Variants in COQ7 observed in about 807,000 individuals in gnomAD.
COQ7 encodes the protein coenzyme Q7, hydroxylase.
Under a neutral mutation model 25.0 loss-of-function variants are expected in COQ7, and 21 were observed. The ratio of observed to expected loss-of-function variants is 0.84; its 90% CI spans 0.60 to 1.21. The LOEUF is 1.21. Among genes scored for constraint, COQ7 ranks in the 50% most tolerant of loss-of-function variants. COQ7 has a pLI of 0.00. For synonymous variants in COQ7, 125 were observed against 112.4 expected (o/e 1.11, Z -0.71); for missense variants, 311 against 296.2 (o/e 1.05, Z -0.37).
rs1041465980 is a variant in COQ7 at position 19,079,095 on chromosome 16, AG to A, written c.*939del. On this transcript the variant is annotated 3_prime_UTR_variant, in exon 6 of 6. Transcript: ENST00000321998. ...ATGAATGGGATCAGTGCCTTATGAA[AG>A]GCCCTAGAGAGATACCTCATCCTCT... 6.6e-6 allele frequency: 1 copy of A among 152,138 alleles called. No homozygotes were observed. Among genetic ancestry groups the A allele is most frequent in the Non-Finnish European group, 1.5e-5 (1 of 68,024 alleles). 9.4% of individuals were successfully genotyped at this position (152,138 alleles called of 1,614,324 possible).
intron 3 of COQ7, among the ~76,000 whole-genome samples, chr16:19,075,383 G>C (rs907910803): frequency 6.6e-6 from 1 of 151,968 alleles, no homozygotes; most frequent in African/African-American, 2.4e-5. Context: ...TGTATTTTTA[G>C]TAGAGACGGT....
At chr16:19,072,584 G>A (rs776307324) in intron 2 of COQ7, among the ~76,000 whole-genome samples, 11 of 151,820 alleles carry the variant, frequency 7.2e-5, no homozygotes, top group Admixed American at 3.3e-4. Context: ...TTCCATTTCC[G>A]TATCTGCAAA....
Position 19,078,433 on chromosome 16 carries a change from C to T in COQ7, c.*275C>T. The T allele has an allele frequency of 4.6e-6, 1 of 218,612 alleles. No homozygotes were observed. The highest frequency in any genetic ancestry group is 5.7e-5 in the Admixed American group (1 of 17,438). The allele number at this position is 218,612 out of a possible 1,614,324, so 13.5% of individuals were successfully genotyped here. A position where few individuals can be genotyped will look rare whatever the true frequency, so the allele number is the denominator to read the frequency against. On this transcript the variant is annotated 3_prime_UTR_variant, in exon 6 of 6. Coordinates refer to ENST00000321998, the MANE Select transcript of COQ7 (RefSeq NM_016138.5). ...CTCATACTTAATTTTCTTTTATATA[C>T]ATGTTTTTCTTTTACATGCATATAT...
At chr16:19,071,416 A>C (rs939675396) in intron 1 of COQ7, among the ~76,000 whole-genome samples, 2 of 152,238 alleles carry the variant, frequency 1.3e-5, no homozygotes, top group African/African-American at 2.4e-5. Flanking sequence ...GATTACAGGC[A>C]TGAGCCACCG....
At chr16:19,067,880 C>T (rs928188483) in intron 1 of COQ7, 143 bp downstream of exon 1, 12 of 1,494,704 alleles carry the variant, frequency 8.0e-6, no homozygotes, top group Non-Finnish European at 8.8e-6. Context: ...TGACTTCGGC[C>T]TCCGGGGCGC....
chr16:19,069,195 A>G (rs914949514), intron 1 of COQ7, among the ~76,000 whole-genome samples: 1 of 152,140 alleles, frequency 6.6e-6, no homozygotes, highest in African/African-American at 2.4e-5. Flanking sequence ...CCTCAATTTT[A>G]CTTTAAAGTA....
chr16:19,077,604 T>TTTTTTTTTTTTTTTTTTTTTTTTTTTG (rs1555522742), intron 5 of COQ7, among the ~76,000 whole-genome samples: 1 of 143,720 alleles, frequency 7.0e-6, no homozygotes, highest in South Asian at 2.3e-4. Flanking sequence ...TTTTTTTTTT[T>TTTTTTTTTTTTTTTTTTTTTTTTTTTG]CCCAGACACA....
chr16:19,072,795 G>T (rs1464311222), intron 2 of COQ7, among the ~76,000 whole-genome samples: 1 of 152,194 alleles, frequency 6.6e-6, no homozygotes, highest in Non-Finnish European at 1.5e-5. Context: ...CTTGCATGAA[G>T]CTATTTGATG....
At chr16:19,070,492 G>T (rs1030833223) in intron 1 of COQ7, among the ~76,000 whole-genome samples, 1 of 152,178 alleles carries the variant, frequency 6.6e-6, no homozygotes, top group African/African-American at 2.4e-5. Context: ...CAGCACTTTG[G>T]GAAGCCAAGG....
At position 19,068,267 on chromosome 16, in the gene COQ7, G is replaced by A. The variant is rs192950588; in HGVS notation, c.73+530G>A. On this transcript the variant is annotated intron_variant, in intron 1 of 5. Coordinates refer to ENST00000321998, the MANE Select transcript of COQ7 (RefSeq NM_016138.5). ...GCACTGTAAACTGTGAAAGCCATCA[G>A]TGTAGTGGAAGGAGCATCGAATTTA... is the stretch of plus-strand genomic sequence containing the variant. 32 of 994,424 alleles carry A rather than the reference G, an allele frequency of 3.2e-5. No homozygotes were observed. In the African/African-American group the frequency reaches 4.9e-4, roughly 15 times the overall value. The allele number at this position is 994,424 out of a possible 1,614,324, so 61.6% of individuals were successfully genotyped here. A position where few individuals can be genotyped will look rare whatever the true frequency, so the allele number is the denominator to read the frequency against.
chr16:19,074,346 AAACC>A (rs1962722989), intron 3 of COQ7, among the ~76,000 whole-genome samples: 1 of 151,922 alleles, frequency 6.6e-6, no homozygotes, highest in Non-Finnish European at 1.5e-5. Flanking sequence ...CAACATGGTG[AAACC>A]CCCGACTCTA....
chr16:19,082,460 C>T (rs375688432), downstream of COQ7, among the ~76,000 whole-genome samples: 6 of 151,486 alleles, frequency 4.0e-5, no homozygotes, highest in African/African-American at 1.2e-4. Context: ...AGCACCAGAA[C>T]AGTCTAGCCT....
At chr16:19,077,083 T>C (rs549960814) in intron 4 of COQ7, among the ~76,000 whole-genome samples, 30 of 152,262 alleles carry the variant, frequency 2.0e-4, no homozygotes, top group Non-Finnish European at 3.7e-4. Flanking sequence ...TAAACTTTTA[T>C]TGGAACACAA....
At chr16:19,071,812 C>A in intron 1 of COQ7, 116 bp from the exon 2 acceptor site, 1 of 1,128,368 alleles carries the variant, frequency 8.9e-7, no homozygotes, top group Non-Finnish European at 1.3e-6. Flanking sequence ...ATGGGCACGC[C>A]TGGCCCATGG....
chr16:19,072,329 T>C (rs1026798509), intron 2 of COQ7: 16 of 560,392 alleles, frequency 2.9e-5, no homozygotes, highest in Non-Finnish European at 4.8e-5. Flanking sequence ...ATGCGGTATA[T>C]CTTTGGTATC....
chr16:19,080,147 C>T (rs1963062944), downstream of COQ7: 1 of 152,104 alleles, frequency 6.6e-6, no homozygotes, highest in East Asian at 1.9e-4. Flanking sequence ...AAAAGGTTTA[C>T]AAGAATCTCA....
Position 19,067,626 on chromosome 16 carries a change from T to G in COQ7, c.-39T>G, listed in dbSNP as rs369248759. On this transcript the variant is annotated 5_prime_UTR_variant, in exon 1 of 6. Coordinates refer to ENST00000321998, the MANE Select transcript of COQ7 (RefSeq NM_016138.5). Reference sequence around the variant, plus strand: ...CCGAGCCAAGGGCACTATTGGCCAGTTCCGTTCAACGAAGTGGTTGCTTTT... The same window carrying G: ...CCGAGCCAAGGGCACTATTGGCCAGGTCCGTTCAACGAAGTGGTTGCTTTT... 8.2e-4 allele frequency: 1,323 copies of G among 1,612,644 alleles called. 2 individuals are homozygous for G. The highest frequency in any genetic ancestry group is 1.1e-3 in the Non-Finnish European group (1,284 of 1,178,960).
Position 19,075,917 on chromosome 16 carries a change from T to C in COQ7, c.507+57T>C. On this transcript the variant is annotated intron_variant, in intron 4 of 5. Coordinates refer to ENST00000321998, the MANE Select transcript of COQ7 (RefSeq NM_016138.5). Reference sequence around the variant, plus strand: ...CAAGGAGGAAAATGGCAGATAGCAATTGGGTAAGAGGAAAACATGTTAGAG... The same window carrying C: ...CAAGGAGGAAAATGGCAGATAGCAACTGGGTAAGAGGAAAACATGTTAGAG... 2.5e-6 allele frequency: 4 copies of C among 1,609,538 alleles called. No individual in the cohort carries two copies. The South Asian group carries it at 3.3e-5, about 13-fold the overall frequency.
chr16:19,067,984 C>T lies in COQ7; in HGVS notation c.73+247C>T, dbSNP rs538919155. 4,414 of 1,405,708 alleles carry T rather than the reference C, an allele frequency of 3.1e-3. 8 individuals are homozygous for T. Among genetic ancestry groups the T allele is most frequent in the Non-Finnish European group, 3.8e-3 (4,112 of 1,085,598 alleles). The allele number at this position is 1,405,708 out of a possible 1,614,324, so 87.1% of individuals were successfully genotyped here. ...ACGCCTGGGGAGTGACGCAATTGCACCCCTGTGCAGTGATGTCACGGCAGG... is the reference window on the plus strand; with the variant it reads ...ACGCCTGGGGAGTGACGCAATTGCATCCCTGTGCAGTGATGTCACGGCAGG... On this transcript the variant is annotated intron_variant, in intron 1 of 5. Transcript: ENST00000321998.
Sources: gnomAD v4.1 joint callset for allele counts (sites outside exome capture counted in the v4.1 genomes callset) on GRCh38, gnomAD v4.1.1 for gene constraint, MANE v1.5 for transcripts, NCBI Gene and HGNC (gene_info 2026-07-23, HGNC 2026-07-21) for gene names.